The following KIAA1328 variants were observed in gnomAD, a reference collection of about 807,000 sequenced individuals.
KIAA1328 encodes the protein protein hinderin.
In KIAA1328, 52 loss-of-function variants were observed where a neutral mutation model predicts 68.1. The observed-to-expected ratio is 0.76, with a 90% CI of 0.61 to 0.96. KIAA1328 has a LOEUF of 0.96. Among genes scored for constraint, KIAA1328 ranks in the 40% least tolerant of loss-of-function variants. The pLI, the probability that KIAA1328 is intolerant of heterozygous loss-of-function variation, is 0.00. For synonymous variants in KIAA1328, 232 were observed against 239.4 expected (o/e 0.97, Z 0.28); for missense variants, 641 against 677.6 (o/e 0.95, Z 0.60).
At chr18:37,201,349 G>C (rs1283373480) in intron 9 of KIAA1328, among the ~76,000 whole-genome samples, 2 of 151,990 alleles carry the variant, frequency 1.3e-5, no homozygotes, top group African/African-American at 4.8e-5. Context: ...ATTTAAATCA[G>C]GTTCTTTTTT....
intron 4 of KIAA1328, among the ~76,000 whole-genome samples, chr18:36,881,959 C>G (rs1230914359): frequency 2.0e-5 from 3 of 152,208 alleles, no homozygotes; most frequent in African/African-American, 7.2e-5. Flanking sequence ...TCTTGAGTAT[C>G]TATGAGTAGA....
intron 5 of KIAA1328, among the ~76,000 whole-genome samples, chr18:36,915,755 C>T (rs574240863): frequency 6.6e-6 from 1 of 152,126 alleles, no homozygotes; most frequent in African/African-American, 2.4e-5. Context: ...AATGGCATGG[C>T]ATTTTAATAA....
chr18:36,982,086 AT>A (rs1185897040), intron 6 of KIAA1328, among the ~76,000 whole-genome samples: 9 of 145,506 alleles, frequency 6.2e-5, no homozygotes, highest in African/African-American at 1.3e-4. Flanking sequence ...ATATATATTT[AT>A]ATTATATTAT....
intron 9 of KIAA1328, among the ~76,000 whole-genome samples, chr18:37,188,132 C>T (rs1307738142): frequency 6.6e-6 from 1 of 152,152 alleles, no homozygotes; most frequent in African/African-American, 2.4e-5. Context: ...AAGTGTTCTC[C>T]ATTAATGAAG....
intron 5 of KIAA1328, among the ~76,000 whole-genome samples, chr18:36,946,941 C>A (rs772486838): frequency 1.3e-5 from 2 of 152,120 alleles, no homozygotes; most frequent in Non-Finnish European, 2.9e-5. Flanking sequence ...ATATGAGGAA[C>A]ACTTGATGTC....
In KIAA1328 at chr18:37,067,555, G is replaced by A. The variant is rs1478319155; in HGVS notation, c.1232+10G>A. 1.4e-6 allele frequency: 2 copies of A among 1,459,920 alleles called. No individual in the cohort carries two copies. Among genetic ancestry groups the A allele is most frequent in the Middle Eastern group, 2.1e-4 (1 of 4,776 alleles). The allele number at this position is 1,459,920 out of a possible 1,614,324, so 90.4% of individuals were successfully genotyped here. A position where few individuals can be genotyped will look rare whatever the true frequency, so the allele number is the denominator to read the frequency against. ...GACTGGATTACAATTGGTGAGTACT[G>A]CCTGTTCTTTTTTTTTTTTTTTTGA... On this transcript the variant is annotated intron_variant, in intron 7 of 9. Coordinates refer to ENST00000280020, the MANE Select transcript of KIAA1328 (RefSeq NM_020776.3).
intron 5 of KIAA1328, among the ~76,000 whole-genome samples, chr18:36,935,891 G>A (rs1238135247): frequency 2.0e-5 from 3 of 152,080 alleles, no homozygotes; most frequent in East Asian, 1.9e-4. Context: ...ATATAATAAT[G>A]GGTGTCAGTA....
chr18:37,184,302 A>T (rs887950882), intron 9 of KIAA1328, among the ~76,000 whole-genome samples: 1 of 152,220 alleles, frequency 6.6e-6, no homozygotes, highest in Non-Finnish European at 1.5e-5. Flanking sequence ...ATTAGAAAAC[A>T]TCTTGGCTTT....
chr18:37,213,295 C>T (rs2060353970), intron 9 of KIAA1328, among the ~76,000 whole-genome samples: 1 of 152,156 alleles, frequency 6.6e-6, no homozygotes, highest in Non-Finnish European at 1.5e-5. Flanking sequence ...CTATCCCTCC[C>T]CGCTCTCCCC....
intron 7 of KIAA1328, among the ~76,000 whole-genome samples, chr18:37,101,993 C>T (rs1415623391): frequency 6.6e-6 from 1 of 152,050 alleles, no homozygotes; most frequent in Non-Finnish European, 1.5e-5. Context: ...GGGATTTCTC[C>T]CTAACTCATT....
chr18:37,203,997 A>G (rs1428574583), intron 9 of KIAA1328, among the ~76,000 whole-genome samples: 1 of 152,086 alleles, frequency 6.6e-6, no homozygotes, highest in African/African-American at 2.4e-5. Flanking sequence ...TGTTTAGTAG[A>G]GATGGGGTTT....
intron 3 of KIAA1328, among the ~76,000 whole-genome samples, chr18:36,839,355 G>T (rs2046784332): frequency 6.6e-6 from 1 of 152,050 alleles, no homozygotes; most frequent in South Asian, 2.1e-4. Flanking sequence ...ATCTCATCCA[G>T]TGTGTTTTTC....
At chr18:37,150,284 A>G in intron 7 of KIAA1328, among the ~76,000 whole-genome samples, 1 of 152,142 alleles carries the variant, frequency 6.6e-6, no homozygotes, top group Non-Finnish European at 1.5e-5. Context: ...ATTTGTTGTG[A>G]GAGGCTGTCC....
At chr18:36,964,706 TCTTCA>T (rs1041703906) in intron 6 of KIAA1328, among the ~76,000 whole-genome samples, 16 of 152,312 alleles carry the variant, frequency 1.1e-4, no homozygotes, top group Non-Finnish European at 2.1e-4. Flanking sequence ...CTAGAGAGGT[TCTTCA>T]CTTGTTCTAT....
intron 7 of KIAA1328, among the ~76,000 whole-genome samples, chr18:37,126,879 A>T (rs1291020455): frequency 1.3e-5 from 2 of 152,186 alleles, no homozygotes; most frequent in Non-Finnish European, 2.9e-5. Flanking sequence ...AAAAGTTGAC[A>T]TCCATTCATG....
intron 7 of KIAA1328, among the ~76,000 whole-genome samples, chr18:37,106,582 C>A (rs1354205757): frequency 6.6e-6 from 1 of 152,044 alleles, no homozygotes; most frequent in Non-Finnish European, 1.5e-5. Flanking sequence ...CCACGCCTGG[C>A]TCCTTTTTGT....
chr18:37,154,307 T>G (rs1452825359), intron 7 of KIAA1328, among the ~76,000 whole-genome samples: 1 of 152,196 alleles, frequency 6.6e-6, no homozygotes, highest in African/African-American at 2.4e-5. Flanking sequence ...TGCCAAGCTG[T>G]GAATCACTGC....
intron 7 of KIAA1328, among the ~76,000 whole-genome samples, chr18:37,070,231 C>A (rs146244027): frequency 7.4e-4 from 113 of 152,220 alleles, no homozygotes; most frequent in Non-Finnish European, 1.2e-3. Context: ...TGTTTAAGGA[C>A]CCTAGGGCAT....
chr18:37,089,325 T>A (rs1434905884), intron 7 of KIAA1328, among the ~76,000 whole-genome samples: 4 of 151,884 alleles, frequency 2.6e-5, no homozygotes, highest in Non-Finnish European at 4.4e-5. Flanking sequence ...TGATAAATAT[T>A]TGTACATTTG....
Sources: allele counts gnomAD v4.1 joint callset (sites outside exome capture counted in the v4.1 genomes callset), GRCh38; gene constraint gnomAD v4.1.1; transcripts MANE v1.5; gene names NCBI Gene and HGNC (gene_info 2026-07-23, HGNC 2026-07-21).